The following ASPH variants were observed in gnomAD, a reference collection of about 807,000 sequenced individuals.
ASPH encodes aspartyl/asparaginyl beta-hydroxylase.
Under a neutral mutation model 118.4 loss-of-function variants are expected in ASPH, and 100 were observed. The observed-to-expected ratio is 0.84, with a 90% confidence interval of 0.72 to 1.00. The LOEUF is 1.00. Among genes scored for constraint, ASPH ranks in the 50% least tolerant of loss-of-function variants. The pLI, the probability that ASPH is intolerant of heterozygous loss-of-function variation, is 0.00. For synonymous variants in ASPH, 315 were observed against 325.6 expected (o/e 0.97, Z 0.35); for missense variants, 920 against 919.5 (o/e 1.00, Z -0.01).
intron 16 of ASPH, among the ~76,000 whole-genome samples, chr8:61,567,575 T>G (rs1563848022): frequency 6.6e-6 from 1 of 152,216 alleles, no homozygotes; most frequent in East Asian, 1.9e-4. Flanking sequence ...ACGCTGGGGC[T>G]GATGGAGATG....
At chr8:61,551,279 G>A (rs1454909836) in intron 20 of ASPH, among the ~76,000 whole-genome samples, 1 of 152,232 alleles carries the variant, frequency 6.6e-6, no homozygotes, top group African/African-American at 2.4e-5. Flanking sequence ...CACAGAGGCT[G>A]TGGCTTTGCT....
rs1838828376 is a variant in ASPH, at chr8:61,714,250, G to T, written c.103+19C>A. On this transcript the variant is annotated intron_variant, in intron 1 of 24. Coordinates refer to ENST00000379454, the MANE Select transcript of ASPH (RefSeq NM_004318.4). ...CCCCGAGGCGAGGCCCCAGATCCCC[G>T]CCCCGCAGGGCCTCTGACCTCTCCG... is the stretch of plus-strand genomic sequence containing the variant. 2 of 1,470,576 alleles carry T rather than the reference G, an allele frequency of 1.4e-6. No individual in the cohort carries two copies. 91.1% of individuals were successfully genotyped at this position (1,470,576 alleles called of 1,614,324 possible).
At chr8:61,540,410 C>T (rs1192106237) in intron 21 of ASPH, among the ~76,000 whole-genome samples, 1 of 152,132 alleles carries the variant, frequency 6.6e-6, no homozygotes, top group Non-Finnish European at 1.5e-5. Flanking sequence ...TCACCTGCCC[C>T]AGCTCTCTTG....
chr8:61,611,065 A>G (rs531983276), intron 14 of ASPH, among the ~76,000 whole-genome samples: 30 of 152,354 alleles, frequency 2.0e-4, no homozygotes, highest in Admixed American at 4.6e-4. Flanking sequence ...ATACTTCCCA[A>G]GCTCACAAGC....
chr8:61,710,710 G>A (rs547381771), intron 1 of ASPH, among the ~76,000 whole-genome samples: 1 of 152,278 alleles, frequency 6.6e-6, no homozygotes, highest in South Asian at 2.1e-4. Flanking sequence ...ATGAGTAATG[G>A]AGGATTAAGC....
chr8:61,709,602 A>T (rs1443901712), intron 1 of ASPH, among the ~76,000 whole-genome samples: 1 of 152,232 alleles, frequency 6.6e-6, no homozygotes, highest in Non-Finnish European at 1.5e-5. Context: ...TACATAGGTT[A>T]TATGTACATA....
At chr8:61,544,558 G>C (rs546875476) in intron 21 of ASPH, among the ~76,000 whole-genome samples, 117 of 152,192 alleles carry the variant, frequency 7.7e-4, no homozygotes, top group Admixed American at 1.4e-3. Context: ...TTCCTCTCCT[G>C]GTGCAGTGCA....
Position 61,567,327 on chromosome 8 carries a change from A to C in ASPH, c.1150-9T>G. The C allele has an allele frequency of 6.2e-7, 1 of 1,612,210 alleles. No homozygotes were observed. The highest frequency in any genetic ancestry group is 1.3e-5 in the African/African-American group (1 of 74,954). ...GCCAAATCATCCTCACACTAGAAGA[A>C]GTCCCCAGACTGGATAAATGTCCCA... On this transcript the variant is annotated splice_polypyrimidine_tract_variant and intron_variant, in intron 16 of 24. Transcript: ENST00000379454.
At position 61,561,073 on chromosome 8, in the gene ASPH, A is replaced by AGG. The variant is rs1336988595; in HGVS notation, c.1437+1670_1437+1671insCC. Among the ~76,000 whole-genome samples the AGG allele has an allele frequency of 6.3e-3, 543 of 86,820 alleles. 14 individuals carry two copies. Among genetic ancestry groups the AGG allele is most frequent in the African/African-American group, 0.025 (499 of 19,668 alleles). The allele number at this position is 86,820 out of a possible 152,430, so 57.0% of individuals were successfully genotyped here. Reference sequence around the variant, plus strand: ...GAAGAAGGAAGGAACGAAGGAAGGGAGAGAGGGAGGGAGGGAGGGAGGGAG... The same window carrying AGG: ...GAAGAAGGAAGGAACGAAGGAAGGGAGGGAGAGGGAGGGAGGGAGGGAGGGAG... On this transcript the variant is annotated intron_variant, in intron 18 of 24. Transcript: ENST00000379454.
At chr8:61,628,439 C>G in intron 13 of ASPH, 1 of 291,944 alleles carries the variant, frequency 3.4e-6, no homozygotes, top group Non-Finnish European at 6.6e-6. Flanking sequence ...AAAGTGCTGA[C>G]ACTACATGCG....
intron 24 of ASPH, among the ~76,000 whole-genome samples, chr8:61,507,595 C>T (rs148998941): frequency 5.9e-5 from 9 of 152,272 alleles, no homozygotes; most frequent in African/African-American, 2.2e-4. Context: ...AAACATCCTA[C>T]AAGCCATGTC....
chr8:61,595,481 G>T (rs1842257289), intron 14 of ASPH, among the ~76,000 whole-genome samples: 1 of 152,166 alleles, frequency 6.6e-6, no homozygotes, highest in South Asian at 2.1e-4. Context: ...TGAAACAGAG[G>T]TAGTGAAAAA....
At chr8:61,579,069 A>G (rs7836217) in intron 15 of ASPH, 341,126 of 1,608,232 alleles carry the variant, frequency 0.21, 41,331 homozygotes, top group African/African-American at 0.48. Flanking sequence ...CATGTACCAG[A>G]TCAAGTATGA....
In ASPH at chr8:61,500,776, TCAAA is replaced by T. The variant is rs572448086; in HGVS notation, c.*2579_*2582del. ...TAGTATTACCAGTTGGTGCTCAAAGTCAAACAAAAATATTTTAGTTAATAATGGG... is the reference window on the plus strand; with the variant it reads ...TAGTATTACCAGTTGGTGCTCAAAGTCAAAAATATTTTAGTTAATAATGGG... On this transcript the variant is annotated 3_prime_UTR_variant, in exon 25 of 25. Transcript: ENST00000379454. The T allele has an allele frequency of 2.6e-5, 4 of 152,168 alleles. No individual in the cohort carries two copies. The highest frequency in any genetic ancestry group is 9.7e-5 in the African/African-American group (4 of 41,448). 9.4% of individuals were successfully genotyped at this position (152,168 alleles called of 1,614,324 possible). A position where few individuals can be genotyped will look rare whatever the true frequency, so the allele number is the denominator to read the frequency against.
chr8:61,532,727 T>C (rs1818046758), intron 21 of ASPH, among the ~76,000 whole-genome samples: 1 of 152,172 alleles, frequency 6.6e-6, no homozygotes, highest in East Asian at 1.9e-4. Context: ...TCTAGAAGCT[T>C]TATAGGAGTC....
intron 24 of ASPH, among the ~76,000 whole-genome samples, chr8:61,512,799 T>C (rs770091159): frequency 3.9e-5 from 6 of 152,204 alleles, no homozygotes; most frequent in Non-Finnish European, 7.3e-5. Context: ...TTTGGAACAA[T>C]GTATATTATT....
intron 20 of ASPH, among the ~76,000 whole-genome samples, chr8:61,550,580 C>T (rs1479870256): frequency 6.6e-6 from 1 of 152,090 alleles, no homozygotes; most frequent in Non-Finnish European, 1.5e-5. Flanking sequence ...CATAAGTGGC[C>T]CCAGCTGGGG....
intron 3 of ASPH, among the ~76,000 whole-genome samples, chr8:61,667,259 AAAG>A (rs537869708): frequency 1.3e-3 from 198 of 152,330 alleles, no homozygotes; most frequent in African/African-American, 4.6e-3. Flanking sequence ...CTCTACCCAC[AAAG>A]AATATGACTA....
intron 15 of ASPH, among the ~76,000 whole-genome samples, chr8:61,577,405 A>C (rs1253454807): frequency 4.8e-5 from 7 of 146,904 alleles, no homozygotes; most frequent in African/African-American, 1.7e-4. Flanking sequence ...CTCGCAAAAA[A>C]AAAAAAAAAA....
Sources: gnomAD v4.1 joint callset for allele counts (sites outside exome capture counted in the v4.1 genomes callset) on GRCh38, gnomAD v4.1.1 for gene constraint, MANE v1.5 for transcripts, NCBI Gene and HGNC (gene_info 2026-07-23, HGNC 2026-07-21) for gene names.